NAT8L: variants seen among roughly 807,000 people sequenced by gnomAD.
NAT8L encodes the protein aspartate N-acetyltransferase, also known as N-acetylaspartate synthetase.
Under a neutral mutation model 21.2 loss-of-function variants are expected in NAT8L, and 6 were observed. The ratio of observed to expected loss-of-function variants is 0.28; its 90% CI spans 0.16 to 0.56. The LOEUF is 0.56. Ranked by LOEUF, NAT8L falls within the 20% of genes least tolerant of loss-of-function variation. The pLI, the probability that NAT8L is intolerant of heterozygous loss-of-function variation, is 0.93. For missense variants in NAT8L, 331 were observed against 433.3 expected, an observed-to-expected ratio of 0.76 and a Z score of 2.10; for synonymous variants, 239 against 204.9, an observed-to-expected ratio of 1.17 and a Z score of -1.42.
rs1407658362 is a variant in NAT8L, at chr4:2,059,486, C to G, written c.-26C>G. ...GCCCGCCGCCGCCCGGCCGCGTCCC[C>G]GCTGCCGCGCCGCCCGGCCGGGTGC... On this transcript the variant is annotated 5_prime_UTR_variant, in exon 1 of 3. Coordinates refer to ENST00000423729, the MANE Select transcript of NAT8L (RefSeq NM_178557.4). The surrounding 1 kb of genome is among the most constrained non-coding windows in gnomAD (Gnocchi z 4.8). 1 of 964,462 alleles carries G rather than the reference C, an allele frequency of 1.0e-6. No individual in the cohort carries two copies. The highest frequency in any genetic ancestry group is 1.2e-4 in the East Asian group (1 of 8,536). The allele number at this position is 964,462 out of a possible 1,614,324, so 59.7% of individuals were successfully genotyped here. A position where few individuals can be genotyped will look rare whatever the true frequency, so the allele number is the denominator to read the frequency against.
Position 2,068,458 on chromosome 4 carries a change from CAT to C in NAT8L, c.*4334_*4335del, listed in dbSNP as rs906889915. On this transcript the variant is annotated 3_prime_UTR_variant, in exon 3 of 3. Coordinates refer to ENST00000423729, the MANE Select transcript of NAT8L (RefSeq NM_178557.4). ...TCTTGTGTACTTCTCTGAGGGGGCA[CAT>C]ATGTATGAGTGTATGAGTGCATACA... 2.1e-4 allele frequency: 32 copies of C among 152,278 alleles called. No homozygotes were observed. The highest frequency in any genetic ancestry group is 4.8e-4 in the African/African-American group (20 of 41,520). The allele number at this position is 152,278 out of a possible 1,614,324, so 9.4% of individuals were successfully genotyped here. A position where few individuals can be genotyped will look rare whatever the true frequency, so the allele number is the denominator to read the frequency against.
Position 2,067,224 on chromosome 4 carries a change from A to C in NAT8L, c.*3097A>C, listed in dbSNP as rs1159558149. The C allele has an allele frequency of 2.0e-5, 3 of 152,438 alleles. No individual in the cohort carries two copies. The highest frequency in any genetic ancestry group is 7.2e-5 in the African/African-American group (3 of 41,462). The allele number at this position is 152,438 out of a possible 1,614,324, so 9.4% of individuals were successfully genotyped here. ...CATCTCCTCCTCCTTCCTCCGCCCC[A>C]TGCCCAGCCTTGCTTCCGGCTGGTG... On this transcript the variant is annotated 3_prime_UTR_variant, in exon 3 of 3. Coordinates refer to ENST00000423729, the MANE Select transcript of NAT8L (RefSeq NM_178557.4).
rs1299585307 is a variant in NAT8L, at chr4:2,065,028, A to G, written c.*901A>G. ...GGCTGCTGCCAACAGCGCCCAGCCC[A>G]CAGCTTCTCCCAGCCTGAAACCAAC... On this transcript the variant is annotated 3_prime_UTR_variant, in exon 3 of 3. Coordinates refer to ENST00000423729, the MANE Select transcript of NAT8L (RefSeq NM_178557.4). 1 of 152,624 alleles carries G rather than the reference A, an allele frequency of 6.6e-6. No homozygotes were observed. Among genetic ancestry groups the G allele is most frequent in the East Asian group, 1.9e-4 (1 of 5,194 alleles). The allele number at this position is 152,624 out of a possible 1,614,324, so 9.5% of individuals were successfully genotyped here.
rs889220251 is a variant in NAT8L, at chr4:2,067,704, C to T, written c.*3577C>T. 14 of 152,256 alleles carry T rather than the reference C, an allele frequency of 9.2e-5. No homozygotes were observed. The highest frequency in any genetic ancestry group is 2.9e-4 in the African/African-American group (12 of 41,460). The allele number at this position is 152,256 out of a possible 1,614,324, so 9.4% of individuals were successfully genotyped here. ...CCGGGCAGGGGGCTGTGTGGGCCCT[C>T]GTGGGGCCACCTTCCTGTCAGTGCC... On this transcript the variant is annotated 3_prime_UTR_variant, in exon 3 of 3. Coordinates refer to ENST00000423729, the MANE Select transcript of NAT8L (RefSeq NM_178557.4).
Position 2,063,853 on chromosome 4 carries a change from G to A in NAT8L, c.635G>A (p.Arg212Gln). 6.2e-7 allele frequency: 1 copy of A among 1,612,394 alleles called. No homozygotes were observed. Among genetic ancestry groups the A allele is most frequent in the Non-Finnish European group, 8.5e-7 (1 of 1,179,944 alleles). ...HEEDNTVELL[R>Q]MSVDSRFRGK... is the part of the protein sequence containing the mutation. ...GAGGACAACACGGTGGAGCTGCTGC[G>A]GATGTCTGTGGACTCACGTTTCCGA... The change falls in exon 3 of 3, where the codon CGG becomes CAG. Residue 212 changes from arginine to glutamine, a missense_variant. Arg to Gln is a conservative substitution (Grantham distance 43). Coordinates refer to ENST00000423729, the MANE Select transcript of NAT8L (RefSeq NM_178557.4).
rs1221516576 is a variant in NAT8L at position 2,059,439 on chromosome 4, C to T, written c.-73C>T. The T allele has an allele frequency of 8.5e-6, 6 of 708,786 alleles. No individual in the cohort carries two copies. In the African/African-American group the frequency reaches 9.8e-5, roughly 12 times the overall value. The allele number at this position is 708,786 out of a possible 1,614,324, so 43.9% of individuals were successfully genotyped here. A position where few individuals can be genotyped will look rare whatever the true frequency, so the allele number is the denominator to read the frequency against. ...CCGCCGCGGGTCCGAGGGCGCCGCG[C>T]CCTTGCCCTGGGCCCGGCCGTGCCC... On this transcript the variant is annotated 5_prime_UTR_variant, in exon 1 of 3. Coordinates refer to ENST00000423729, the MANE Select transcript of NAT8L (RefSeq NM_178557.4). This position sits in a 1 kb window ranked among gnomAD's most constrained non-coding sequence, Gnocchi z 4.8.
chr4:2,062,870 C>G (rs953576370), intron 2 of NAT8L, among the ~76,000 whole-genome samples: 10 of 152,306 alleles, frequency 6.6e-5, no homozygotes, highest in Middle Eastern at 3.4e-3. Flanking sequence ...CCTTGGTCTT[C>G]AGAGAGGTCT....
In NAT8L at chr4:2,059,688, G is replaced by C. The variant is rs2108679405; in HGVS notation, c.177G>C (p.Pro59=). Residue 59 remains proline (P), a synonymous_variant, in exon 1 of 3, where the codon CCG becomes CCC. Transcript: ENST00000423729. The surrounding 1 kb of genome is among the most constrained non-coding windows in gnomAD (Gnocchi z 4.8). ...AAAPPAPPPA[P]VAQPHGGAGG... ...CGCCCCCCGCGCCCCCACCTGCCCC[G>C]GTGGCTCAGCCTCACGGCGGGGCGG... is the stretch of plus-strand genomic sequence containing the variant. 9.6e-7 allele frequency: 1 copy of C among 1,037,450 alleles called. No individual in the cohort carries two copies. Among genetic ancestry groups the C allele is most frequent in the Non-Finnish European group, 1.2e-6 (1 of 865,616 alleles). The allele number at this position is 1,037,450 out of a possible 1,614,324, so 64.3% of individuals were successfully genotyped here. A position where few individuals can be genotyped will look rare whatever the true frequency, so the allele number is the denominator to read the frequency against.
chr4:2,060,647 C>A lies in NAT8L; in HGVS notation c.377-351C>A, dbSNP rs571696476. On this transcript the variant is annotated intron_variant, in intron 1 of 2. Coordinates refer to ENST00000423729, the MANE Select transcript of NAT8L (RefSeq NM_178557.4). The surrounding 1 kb of genome is among the most constrained non-coding windows in gnomAD (Gnocchi z 4.7). ...TCCTCCTCCCCCCTCCCCCCTCCCC[C>A]GCGCGGGGCCTGGTCTGCGGGGCAG... Among the ~76,000 whole-genome samples the A allele has an allele frequency of 6.6e-6, 1 of 152,058 alleles. No homozygotes were observed. The highest frequency in any genetic ancestry group is 2.4e-5 in the African/African-American group (1 of 41,486).
At chr4:2,062,776 G>A (rs1000723269) in intron 2 of NAT8L, among the ~76,000 whole-genome samples, 4 of 152,130 alleles carry the variant, frequency 2.6e-5, no homozygotes, top group Non-Finnish European at 5.9e-5. Context: ...AGGGCTTCCC[G>A]GGGCTCGGGG....
At chr4:2,063,503 T>C (rs1324861930) in intron 2 of NAT8L, among the ~76,000 whole-genome samples, 1 of 152,100 alleles carries the variant, frequency 6.6e-6, no homozygotes, top group Non-Finnish European at 1.5e-5. Context: ...GGGTAACAGG[T>C]GTTGGGCTGG....
rs569989057 is a variant in NAT8L, at chr4:2,064,135, C to T, written c.*8C>T. 2.3e-4 allele frequency: 350 copies of T among 1,536,280 alleles called. 1 individual carries two copies. The East Asian group carries it at 4.1e-3, about 18-fold the overall frequency. On this transcript the variant is annotated 3_prime_UTR_variant, in exon 3 of 3. Transcript: ENST00000423729. ...CAGCTGCGCGAGGAGTGACCGCCGC[C>T]GCTCGCCCGCCCGCCCCCCCGGCCG...
chr4:2,064,258 C>T lies in NAT8L; in HGVS notation c.*131C>T, dbSNP rs578244284. ...TGGGTTTCCCCTTTTCAACATCCTG[C>T]GGTTGTCTGGCTGGTTCCGGGGGGT... On this transcript the variant is annotated 3_prime_UTR_variant, in exon 3 of 3. Coordinates refer to ENST00000423729, the MANE Select transcript of NAT8L (RefSeq NM_178557.4). 2.7e-5 allele frequency: 15 copies of T among 565,528 alleles called. No homozygotes were observed. In the East Asian group the frequency reaches 4.7e-4, roughly 18 times the overall value. The allele number at this position is 565,528 out of a possible 1,614,324, so 35.0% of individuals were successfully genotyped here. A position where few individuals can be genotyped will look rare whatever the true frequency, so the allele number is the denominator to read the frequency against.
rs185201407 is a variant in NAT8L at position 2,062,885 on chromosome 4, G to A, written c.542-875G>A. ...CCTTGGTCTTCAGAGAGGTCTCTGGGTGCCACCTCTGCCTTTGGCTGCTGG... is the reference window on the plus strand; with the variant it reads ...CCTTGGTCTTCAGAGAGGTCTCTGGATGCCACCTCTGCCTTTGGCTGCTGG... On this transcript the variant is annotated intron_variant, in intron 2 of 2. Coordinates refer to ENST00000423729, the MANE Select transcript of NAT8L (RefSeq NM_178557.4). Among the ~76,000 whole-genome samples the A allele has an allele frequency of 4.3e-4, 65 of 152,300 alleles. No individual in the cohort carries two copies. In the East Asian group the frequency reaches 0.012, roughly 29 times the overall value.
Position 2,059,665 on chromosome 4 carries a change from C to A in NAT8L, c.154C>A (p.Pro52Thr). 3.1e-6 allele frequency: 3 copies of A among 976,218 alleles called. No homozygotes were observed. The highest frequency in any genetic ancestry group is 2.4e-6 in the Non-Finnish European group (2 of 822,320). The allele number at this position is 976,218 out of a possible 1,614,324, so 60.5% of individuals were successfully genotyped here. ...LPAAPGPAAA[P>T]PAPPPAPVAQ... ...CGCCGCGCCCGGGCCGGCCGCCGCG[C>A]CCCCCGCGCCCCCACCTGCCCCGGT... Residue 52 changes from proline (P) to threonine (T), a missense_variant, in exon 1 of 3, where the codon CCC (proline) becomes ACC (threonine). By Grantham distance (38) the Pro-to-Thr change is conservative (BLOSUM62 -1). This residue lies in a region of NAT8L where 199 missense variants were observed against 196.1 expected (regional missense o/e 1.01). Transcript: ENST00000423729. This position sits in a 1 kb window ranked among gnomAD's most constrained non-coding sequence, Gnocchi z 4.8.
intron 2 of NAT8L, among the ~76,000 whole-genome samples, chr4:2,062,021 T>C (rs1465087735): frequency 6.6e-6 from 1 of 151,992 alleles, no homozygotes; most frequent in Non-Finnish European, 1.5e-5. Context: ...AAACAGAGCA[T>C]CTGAGCAGCC....
chr4:2,061,422 T>TC (rs1729887987), intron 2 of NAT8L, among the ~76,000 whole-genome samples: 1 of 152,180 alleles, frequency 6.6e-6, no homozygotes, highest in Non-Finnish European at 1.5e-5. Flanking sequence ...TGGATGCGTC[T>TC]CCCTGGCGCC....
intron 2 of NAT8L, among the ~76,000 whole-genome samples, chr4:2,062,629 T>C (rs575547096): frequency 3.3e-5 from 5 of 152,086 alleles, no homozygotes; most frequent in African/African-American, 1.2e-4. Flanking sequence ...CCCCCCACGC[T>C]GCTTCTCCTT....
chr4:2,063,935 C>A lies in NAT8L; in HGVS notation c.717C>A (p.His239Gln). 2 of 1,612,078 alleles carry A rather than the reference C, an allele frequency of 1.2e-6. No homozygotes were observed. The highest frequency in any genetic ancestry group is 1.7e-6 in the Non-Finnish European group (2 of 1,179,802). ...GRKVLEFAVV[H>Q]NYSAVVLGTT... ...AGGTGCTGGAGTTCGCCGTGGTGCA[C>A]AACTACTCCGCGGTGGTGCTGGGCA... The change falls in exon 3 of 3, where the codon CAC becomes CAA. Residue 239 changes from histidine to glutamine, a missense_variant. Physicochemically the swap from His to Gln is conservative, Grantham distance 24. Coordinates refer to ENST00000423729, the MANE Select transcript of NAT8L (RefSeq NM_178557.4).
Sources: gnomAD v4.1 joint callset for allele counts (sites outside exome capture counted in the v4.1 genomes callset) on GRCh38, gnomAD v4.1.1 for gene constraint, gnomAD v4.1.1 regional missense constraint, Gnocchi (gnomAD v3.1) non-coding constraint, MANE v1.5 for transcripts, NCBI Gene and HGNC (gene_info 2026-07-23, HGNC 2026-07-21) for gene names.